Variants in SEC11C observed in about 807,000 individuals in gnomAD.
SEC11C encodes the protein SEC11 homolog C, signal peptidase complex subunit.
Under a neutral mutation model 21.9 loss-of-function variants are expected in SEC11C, and 10 were observed. The ratio of observed to expected loss-of-function variants is 0.46; its 90% CI spans 0.28 to 0.77. The LOEUF is 0.77. Ranked by LOEUF, SEC11C falls within the 30% of genes least tolerant of loss-of-function variation. The pLI is 0.12. For missense variants in SEC11C, 145 were observed against 244.5 expected (o/e 0.59, Z 2.71); for synonymous variants, 83 against 85.6 (o/e 0.97, Z 0.17).
intron 1 of SEC11C, among the ~76,000 whole-genome samples, chr18:59,142,549 A>G (rs1173790683): frequency 1.3e-5 from 2 of 152,244 alleles, no homozygotes; most frequent in African/African-American, 4.8e-5. Flanking sequence ...TGTAAATTCC[A>G]GTGAACAGCT....
At chr18:59,145,747 A>G (rs1401367818) in intron 1 of SEC11C, among the ~76,000 whole-genome samples, 4 of 152,222 alleles carry the variant, frequency 2.6e-5, no homozygotes, top group African/African-American at 9.6e-5. Flanking sequence ...TGATGTTTCC[A>G]TCAATGGTGG....
At chr18:59,140,948 A>G (rs977955978) in intron 1 of SEC11C, among the ~76,000 whole-genome samples, 2 of 152,174 alleles carry the variant, frequency 1.3e-5, no homozygotes, top group Admixed American at 6.5e-5. Context: ...CACGGTGGAT[A>G]CTAATGCCAC....
chr18:59,141,603 C>T (rs2069211107), intron 1 of SEC11C, among the ~76,000 whole-genome samples: 1 of 151,952 alleles, frequency 6.6e-6, no homozygotes, highest in Non-Finnish European at 1.5e-5. Context: ...TGCTAGTCTT[C>T]TAATTAAAAT....
At chr18:59,158,477 T>C (rs2069444385) in intron 5 of SEC11C, among the ~76,000 whole-genome samples, 155 bp from the exon 6 acceptor site, 1 of 152,232 alleles carries the variant, frequency 6.6e-6, no homozygotes, top group South Asian at 2.1e-4. Context: ...TAATGTAGCA[T>C]TGAACAGCTC....
At chr18:59,151,834 A>G (rs1455414523) in intron 2 of SEC11C, among the ~76,000 whole-genome samples, 1 of 152,244 alleles carries the variant, frequency 6.6e-6, no homozygotes, top group Non-Finnish European at 1.5e-5. Context: ...GCAAATACAT[A>G]TAATGAATTT....
chr18:59,158,760 T>C lies in SEC11C; in HGVS notation c.*75T>C. 8.0e-7 allele frequency: 1 copy of C among 1,247,866 alleles called. No individual in the cohort carries two copies. The highest frequency in any genetic ancestry group is 1.2e-6 in the Non-Finnish European group (1 of 851,496). 77.3% of individuals were successfully genotyped at this position (1,247,866 alleles called of 1,614,324 possible). A position where few individuals can be genotyped will look rare whatever the true frequency, so the allele number is the denominator to read the frequency against. On this transcript the variant is annotated 3_prime_UTR_variant, in exon 6 of 6. Transcript: ENST00000587834. ...GAGAAAAACTAATATATTTGAGATG[T>C]TCCATTTTCTGTATAAAAGGGAACA...
intron 3 of SEC11C, among the ~76,000 whole-genome samples, chr18:59,154,329 C>G (rs983074305): frequency 6.6e-6 from 1 of 152,186 alleles, no homozygotes; most frequent in South Asian, 2.1e-4. Flanking sequence ...ACCGTGGCTG[C>G]AAATCAGCTT....
intron 1 of SEC11C, among the ~76,000 whole-genome samples, chr18:59,148,390 G>T (rs2069304055): frequency 6.6e-6 from 1 of 152,076 alleles, no homozygotes; most frequent in South Asian, 2.1e-4. Context: ...TTGGCACATG[G>T]GCAGGTGTTG....
chr18:59,143,282 G>A (rs1358313045), intron 1 of SEC11C, among the ~76,000 whole-genome samples: 1 of 151,220 alleles, frequency 6.6e-6, no homozygotes, highest in Non-Finnish European at 1.5e-5. Flanking sequence ...GAGCCAAGGA[G>A]GCGGAGGTTG....
At chr18:59,153,591 C>G (rs1365817832) in intron 3 of SEC11C, among the ~76,000 whole-genome samples, 1 of 152,172 alleles carries the variant, frequency 6.6e-6, no homozygotes, top group Non-Finnish European at 1.5e-5. Context: ...CACGCTGTCA[C>G]CTACGCTGGA....
Position 59,158,673 on chromosome 18 carries a change from A to C in SEC11C, c.567A>C (p.Lys189Asn). 6.2e-7 allele frequency: 1 copy of C among 1,613,556 alleles called. No homozygotes were observed. The highest frequency in any genetic ancestry group is 8.5e-7 in the Non-Finnish European group (1 of 1,179,500). The change falls in exon 6 of 6, where the codon AAA becomes AAC. Residue 189 changes from lysine (K) to asparagine (N), a missense_variant. Transcript: ENST00000587834. ...TAATGGGTGCATATGTGTTACTAAAACGTGAATCCTAAAATGAGAAGCAGT... is the reference window on the plus strand; with the variant it reads ...TAATGGGTGCATATGTGTTACTAAACCGTGAATCCTAAAATGAGAAGCAGT... ...LAVMGAYVLL[K>N]RES
intron 5 of SEC11C, among the ~76,000 whole-genome samples, chr18:59,158,289 C>T (rs2069441651): frequency 6.6e-6 from 1 of 152,184 alleles, no homozygotes; most frequent in African/African-American, 2.4e-5. Context: ...CTCCTGACCT[C>T]AGGTGATCTG....
chr18:59,151,650 A>G, intron 2 of SEC11C, among the ~76,000 whole-genome samples: 1 of 151,680 alleles, frequency 6.6e-6, no homozygotes. Context: ...AGCTTCCCGA[A>G]CTCCTGTTGG....
intron 3 of SEC11C, among the ~76,000 whole-genome samples, chr18:59,153,899 G>A (rs1385260926): frequency 2.0e-5 from 3 of 152,068 alleles, no homozygotes; most frequent in Non-Finnish European, 4.4e-5. Flanking sequence ...TAGAGATGGG[G>A]TTTCACCATG....
chr18:59,150,052 G>A (rs2069329849), intron 2 of SEC11C, among the ~76,000 whole-genome samples: 1 of 151,926 alleles, frequency 6.6e-6, no homozygotes, highest in Non-Finnish European at 1.5e-5. Flanking sequence ...AGTAATACTC[G>A]TGTATTGATG....
At chr18:59,155,602 A>T (rs2069409542) in intron 3 of SEC11C, 86 bp from the exon 4 acceptor site, 1 of 1,412,878 alleles carries the variant, frequency 7.1e-7, no homozygotes, top group East Asian at 2.3e-5. Context: ...CTCCTGTCTG[A>T]CAGTAAAGTC....
At chr18:59,150,212 A>ACTG (rs2069331703) in intron 2 of SEC11C, among the ~76,000 whole-genome samples, 1 of 152,226 alleles carries the variant, frequency 6.6e-6, no homozygotes, top group Admixed American at 6.5e-5. Flanking sequence ...GTGTTTGGGA[A>ACTG]CTGATAGGTG....
At chr18:59,150,494 A>G (rs1308465874) in intron 2 of SEC11C, among the ~76,000 whole-genome samples, 2 of 152,352 alleles carry the variant, frequency 1.3e-5, no homozygotes, top group Non-Finnish European at 2.9e-5. Flanking sequence ...TCGCGTTTTC[A>G]TGAATTTAGA....
At chr18:59,141,301 A>G (rs1428038234) in intron 1 of SEC11C, among the ~76,000 whole-genome samples, 5 of 152,244 alleles carry the variant, frequency 3.3e-5, no homozygotes, top group African/African-American at 1.2e-4. Context: ...GATGAGTTGT[A>G]GTAGAGATTA....
Sources: gnomAD v4.1 joint callset for allele counts (sites outside exome capture counted in the v4.1 genomes callset) on GRCh38, gnomAD v4.1.1 for gene constraint, MANE v1.5 for transcripts, NCBI Gene and HGNC (gene_info 2026-07-23, HGNC 2026-07-21) for gene names.